The following HDAC9 variants were observed in gnomAD, a reference collection of about 807,000 sequenced individuals.
HDAC9 encodes the protein histone deacetylase 9, also known as MEF-2 interacting transcription repressor (MITR) protein.
In HDAC9, 41 loss-of-function variants were observed where a neutral mutation model predicts 139.4. That is an observed-to-expected ratio of 0.29 (90% CI 0.23 to 0.38). The LOEUF (loss-of-function observed/expected upper bound fraction) is 0.38, where lower values mean the gene tolerates loss of function less well. Ranked by LOEUF, HDAC9 falls within the 10% of genes least tolerant of loss-of-function variation. The probability of loss-of-function intolerance (pLI) is 1.00; values close to 1 mark genes in which losing one functional copy is unlikely to be tolerated. For synonymous variants in HDAC9, 517 were observed against 476.2 expected (o/e 1.09, Z -1.12); for missense variants, 1,147 against 1,297.0 (o/e 0.88, Z 1.78).
intron 21 of HDAC9, 68 bp from the exon 22 acceptor site, chr7:18,874,410 T>C (rs1009115064): frequency 1.1e-6 from 1 of 937,954 alleles, no homozygotes; most frequent in African/African-American, 1.6e-5. Context: ...GCCAGGTCGT[T>C]TTCACTGAAC....
upstream of HDAC9, among the ~76,000 whole-genome samples, chr7:18,492,110 G>C (rs547751948): frequency 6.6e-6 from 1 of 151,812 alleles, no homozygotes; most frequent in African/African-American, 2.4e-5. Context: ...AAAACTAATC[G>C]CTTCACCAGA....
intron 1 of HDAC9, among the ~76,000 whole-genome samples, chr7:18,138,420 C>T (rs1307983923): frequency 3.3e-5 from 5 of 151,764 alleles, no homozygotes; most frequent in Non-Finnish European, 5.9e-5. Flanking sequence ...GGGTTTAGAA[C>T]TCCTGGTTTT....
intron 17 of HDAC9, among the ~76,000 whole-genome samples, chr7:18,815,341 G>A (rs1251100230): frequency 6.6e-6 from 1 of 151,356 alleles, no homozygotes; most frequent in Non-Finnish European, 1.5e-5. Flanking sequence ...TGGGCCTTAT[G>A]TCAAATAAAA....
chr7:18,191,702 A>AT (rs1298832522), intron 2 of HDAC9, among the ~76,000 whole-genome samples: 22 of 152,270 alleles, frequency 1.4e-4, no homozygotes, highest in African/African-American at 5.1e-4. Context: ...AATGAATTTA[A>AT]TTTTTTTGAC....
chr7:18,754,958 A>T (rs6954162), intron 14 of HDAC9, among the ~76,000 whole-genome samples: 1 of 152,170 alleles, frequency 6.6e-6, no homozygotes, highest in African/African-American at 2.4e-5. Context: ...AGTTAATGGA[A>T]ATTCAATTAG....
At chr7:18,554,020 G>T (rs1057159818) in intron 2 of HDAC9, among the ~76,000 whole-genome samples, 10 of 152,184 alleles carry the variant, frequency 6.6e-5, no homozygotes, top group African/African-American at 2.4e-4. Context: ...ATTGTAGGAA[G>T]TTAAGTTTCT....
chr7:18,347,896 G>A (rs1043837131), intron 1 of HDAC9, among the ~76,000 whole-genome samples: 1 of 152,078 alleles, frequency 6.6e-6, no homozygotes, highest in African/African-American at 2.4e-5. Context: ...TTTTTAATCT[G>A]TATCTCAGTG....
chr7:18,854,533 A>G (rs1474527348), intron 21 of HDAC9, among the ~76,000 whole-genome samples: 2 of 152,262 alleles, frequency 1.3e-5, no homozygotes, highest in East Asian at 1.9e-4. Context: ...TGTATTTCCA[A>G]TTAAACAGAA....
chr7:18,674,353 C>G (rs909514628), intron 12 of HDAC9, among the ~76,000 whole-genome samples: 2 of 152,024 alleles, frequency 1.3e-5, no homozygotes, highest in Non-Finnish European at 2.9e-5. Flanking sequence ...TAATATTTCA[C>G]TTAAATGATA....
chr7:18,543,531 C>T (rs1813705410), intron 2 of HDAC9: 1 of 152,134 alleles, frequency 6.6e-6, no homozygotes, highest in Admixed American at 6.5e-5. Flanking sequence ...GATGCACATG[C>T]CTTTCTTCTC....
intron 24 of HDAC9, among the ~76,000 whole-genome samples, chr7:18,972,079 A>C (rs1459158060): frequency 6.6e-6 from 1 of 152,234 alleles, no homozygotes; most frequent in African/African-American, 2.4e-5. Flanking sequence ...TATTATGTGC[A>C]AAGAATGTTT....
At chr7:18,713,840 A>T (rs1784514172) in intron 12 of HDAC9, among the ~76,000 whole-genome samples, 2 of 152,118 alleles carry the variant, frequency 1.3e-5, no homozygotes, top group Admixed American at 6.6e-5. Context: ...TGGATATCAG[A>T]AAGAAGGCAG....
intron 2 of HDAC9, among the ~76,000 whole-genome samples, chr7:18,570,725 A>G (rs1053061158): frequency 1.5e-4 from 23 of 152,232 alleles, no homozygotes; most frequent in African/African-American, 5.3e-4. Context: ...CGTCTACTCC[A>G]TAGGTTACTA....
In HDAC9 at chr7:18,997,990, T is replaced by C. The variant is rs1786560011; in HGVS notation, c.*1928T>C. On this transcript the variant is annotated 3_prime_UTR_variant, in exon 26 of 26. Transcript: ENST00000686413. ...TCTAGATTCATAGTAGTAATCAATT[T>C]TTTATAAATTTTATTTTCATGAGAA... is the stretch of plus-strand genomic sequence containing the variant. 6.6e-6 allele frequency: 1 copy of C among 152,168 alleles called. No individual in the cohort carries two copies. The highest frequency in any genetic ancestry group is 6.5e-5 in the Admixed American group (1 of 15,280). The allele number at this position is 152,168 out of a possible 1,614,324, so 9.4% of individuals were successfully genotyped here.
Position 18,194,620 on chromosome 7 carries a change from A to G in HDAC9, c.25+32271A>G, listed in dbSNP as rs1288930676. Among the ~76,000 whole-genome samples, 4 of 152,306 alleles carry G rather than the reference A, an allele frequency of 2.6e-5. No individual in the cohort carries two copies. The East Asian group carries it at 7.7e-4, about 29-fold the overall frequency. ...CCACAACACTAGTAACACTTCTTGA[A>G]TCATCTAATCCCCTAATTATTTCTC... is the stretch of plus-strand genomic sequence containing the variant. On this transcript the variant is annotated intron_variant, in intron 2 of 12. Coordinates refer to the HDAC9 transcript ENST00000417496.
At chr7:18,845,104 G>T (rs986783443) in intron 21 of HDAC9, among the ~76,000 whole-genome samples, 1 of 152,128 alleles carries the variant, frequency 6.6e-6, no homozygotes, top group Non-Finnish European at 1.5e-5. Context: ...TCTGCCAAAA[G>T]TTTGTTAATA....
intron 6 of HDAC9, among the ~76,000 whole-genome samples, chr7:18,601,655 C>G (rs567602703): frequency 2.0e-5 from 3 of 152,232 alleles, no homozygotes; most frequent in Non-Finnish European, 4.4e-5. Flanking sequence ...TCCCTCTATT[C>G]CTAATTTTCT....
At chr7:18,798,468 G>A (rs1240967536) in intron 17 of HDAC9, among the ~76,000 whole-genome samples, 1 of 152,080 alleles carries the variant, frequency 6.6e-6, no homozygotes, top group African/African-American at 2.4e-5. Context: ...CCCCTTTCTA[G>A]GTCCATGGTA....
chr7:18,778,769 C>G (rs887820106), intron 16 of HDAC9, among the ~76,000 whole-genome samples: 1 of 152,002 alleles, frequency 6.6e-6, no homozygotes, highest in African/African-American at 2.4e-5. Flanking sequence ...AGATGTAGCC[C>G]TTTCGCCAGA....
Sources: gnomAD v4.1 joint callset for allele counts (sites outside exome capture counted in the v4.1 genomes callset) on GRCh38, gnomAD v4.1.1 for gene constraint, MANE v1.5 for transcripts, NCBI Gene and HGNC (gene_info 2026-07-23, HGNC 2026-07-21) for gene names.